The following RAB11FIP5 variants were observed in gnomAD, a reference collection of about 807,000 sequenced individuals.
The protein encoded by RAB11FIP5 is RAB11 family interacting protein 5.
In RAB11FIP5, 48 loss-of-function variants were observed where a neutral mutation model predicts 85.1. That is an observed-to-expected ratio of 0.56 (90% confidence interval 0.45 to 0.72). RAB11FIP5 has a LOEUF of 0.72. Among genes scored for constraint, RAB11FIP5 ranks in the 30% least tolerant of loss-of-function variants. RAB11FIP5 has a pLI of 0.00. For missense variants in RAB11FIP5, 1,491 were observed against 1,687.0 expected (o/e 0.88, Z 2.04); for synonymous variants, 729 against 727.3 (o/e 1.00, Z -0.04).
Position 73,112,632 on chromosome 2 carries a change from T to A in RAB11FIP5, c.146A>T (p.Gln49Leu). 6.2e-7 allele frequency: 1 copy of A among 1,601,782 alleles called. No homozygotes were observed. The highest frequency in any genetic ancestry group is 1.1e-5 in the South Asian group (1 of 89,010). ...GSTSDAYTVI[Q>L]VGREKYSTSV... ...CGTACTGTACTTCTCGCGGCCCACC[T>A]GGATCACCGTGTACGCGTCGCTGGT... is the stretch of plus-strand genomic sequence containing the variant. The change falls in exon 1 of 6, where the codon CAG becomes CTG. Residue 49 changes from glutamine to leucine, a missense_variant. By Grantham distance (113) the Gln-to-Leu change is moderately radical. Coordinates refer to ENST00000486777, the MANE Select transcript of RAB11FIP5 (RefSeq NM_001371272.1).
intron 1 of RAB11FIP5, among the ~76,000 whole-genome samples, chr2:73,106,448 T>C (rs1558524409): frequency 6.6e-6 from 1 of 152,224 alleles, no homozygotes; most frequent in Non-Finnish European, 1.5e-5. Flanking sequence ...CACTTGGCTA[T>C]AGGGCTTCCT....
Position 73,079,324 on chromosome 2 carries a change from A to G in RAB11FIP5, c.3581+327T>C, listed in dbSNP as rs529079833. 4.6e-5 allele frequency among the ~76,000 whole-genome samples: 7 copies of G among 152,182 alleles called. No homozygotes were observed. In the South Asian group the frequency reaches 6.2e-4, roughly 14 times the overall value. On this transcript the variant is annotated intron_variant, in intron 4 of 5. Transcript: ENST00000486777. The stretch of plus-strand genomic sequence containing the variant: ...GAGTGCACACACTCCAGAAGGGCCT[A>G]CAGCACTGCTCTCCTTCCCTGCCAG...
Position 73,081,525 on chromosome 2 carries a change from G to A in RAB11FIP5, c.1707C>T (p.Ala569=). Residue 569 remains alanine, a synonymous_variant, in exon 4 of 6, where the codon GCC becomes GCT. Coordinates refer to ENST00000486777, the MANE Select transcript of RAB11FIP5 (RefSeq NM_001371272.1). The surrounding 1 kb of genome is among the most constrained non-coding windows in gnomAD (Gnocchi z 4.2). ...PMLSTNLFAA[A]SPAAATAAAA... Reference sequence around the variant, plus strand: ...CGGCAGCAGTGGCAGCAGCGGGGGAGGCGGCTGCAAAAAGGTTAGTGCTTA... The same window carrying A: ...CGGCAGCAGTGGCAGCAGCGGGGGAAGCGGCTGCAAAAAGGTTAGTGCTTA... 4 of 1,225,756 alleles carry A rather than the reference G, an allele frequency of 3.3e-6. No individual in the cohort carries two copies. Among genetic ancestry groups the A allele is most frequent in the Non-Finnish European group, 4.1e-6 (4 of 981,630 alleles). 75.9% of individuals were successfully genotyped at this position (1,225,756 alleles called of 1,614,324 possible).
chr2:73,094,995 T>C (rs1163519203), intron 1 of RAB11FIP5, among the ~76,000 whole-genome samples: 1 of 151,884 alleles, frequency 6.6e-6, no homozygotes, highest in South Asian at 2.1e-4. Flanking sequence ...TCTGCCCCCA[T>C]ACAATTCCCC....
At chr2:73,110,737 A>G (rs1196447842) in intron 1 of RAB11FIP5, among the ~76,000 whole-genome samples, 1 of 152,100 alleles carries the variant, frequency 6.6e-6, no homozygotes, top group Non-Finnish European at 1.5e-5. Context: ...ACTGGAAAAA[A>G]CAATCAAAGA....
chr2:73,112,244 G>T, intron 1 of RAB11FIP5, 103 bp downstream of exon 1: 1 of 1,279,850 alleles, frequency 7.8e-7, no homozygotes, highest in Non-Finnish European at 1.0e-6. Flanking sequence ...TAAGCACGAG[G>T]CAAGGGCTCA....
At chr2:73,085,070 A>G (rs1192458937) in intron 3 of RAB11FIP5, among the ~76,000 whole-genome samples, 1 of 152,188 alleles carries the variant, frequency 6.6e-6, no homozygotes, top group East Asian at 1.9e-4. Context: ...TGACAAGAGC[A>G]TGGTTGTGAG....
At chr2:73,103,423 C>T (rs1684466959) in intron 1 of RAB11FIP5, among the ~76,000 whole-genome samples, 1 of 152,144 alleles carries the variant, frequency 6.6e-6, no homozygotes, top group Non-Finnish European at 1.5e-5. Context: ...TGTCAGCTCA[C>T]CCAGCACAAG....
In RAB11FIP5 at chr2:73,073,623, G is replaced by A. The variant is rs555230192; in HGVS notation, c.*1898C>T. The A allele has an allele frequency of 1.3e-5, 2 of 152,328 alleles. No homozygotes were observed. Among genetic ancestry groups the A allele is most frequent in the South Asian group, 4.1e-4 (2 of 4,820 alleles). The allele number at this position is 152,328 out of a possible 1,614,324, so 9.4% of individuals were successfully genotyped here. On this transcript the variant is annotated 3_prime_UTR_variant, in exon 6 of 6. Coordinates refer to ENST00000486777, the MANE Select transcript of RAB11FIP5 (RefSeq NM_001371272.1). Reference sequence around the variant, plus strand: ...CCTGGGCATTAGGGAGGCCCACAAAGGTCAGGGCCAGGGCTGGGAGTGAAT... The same window carrying A: ...CCTGGGCATTAGGGAGGCCCACAAAAGTCAGGGCCAGGGCTGGGAGTGAAT...
At chr2:73,095,674 C>G (rs112245644) in intron 1 of RAB11FIP5, among the ~76,000 whole-genome samples, 4,636 of 152,344 alleles carry the variant, frequency 0.03, 105 homozygotes, top group Non-Finnish European at 0.047. Flanking sequence ...GGCCACACAG[C>G]TAGTAAGTAA....
chr2:73,091,158 G>T (rs1329898962), intron 1 of RAB11FIP5, among the ~76,000 whole-genome samples: 3 of 152,304 alleles, frequency 2.0e-5, no homozygotes, highest in East Asian at 1.9e-4. Context: ...ATGAATGCTA[G>T]AACAGTCCTA....
chr2:73,097,425 A>G (rs1475893084), intron 1 of RAB11FIP5, among the ~76,000 whole-genome samples: 1 of 152,240 alleles, frequency 6.6e-6, no homozygotes, highest in Non-Finnish European at 1.5e-5. Context: ...TCAACATGAC[A>G]AAATGCTGCA....
intron 1 of RAB11FIP5, among the ~76,000 whole-genome samples, chr2:73,099,587 G>A (rs1360075609): frequency 6.6e-6 from 1 of 152,210 alleles, no homozygotes; most frequent in Non-Finnish European, 1.5e-5. Context: ...CAAGAAGCTG[G>A]CCGAAGGCCC....
chr2:73,088,053 G>A lies in RAB11FIP5; in HGVS notation c.1565C>T (p.Pro522Leu). 6.3e-7 allele frequency: 1 copy of A among 1,589,752 alleles called. No individual in the cohort carries two copies. Among genetic ancestry groups the A allele is most frequent in the Non-Finnish European group, 8.6e-7 (1 of 1,166,862 alleles). Residue 522 changes from proline (P) to leucine (L), a missense_variant, in exon 3 of 6, where the codon CCC (proline) becomes CTC (leucine). Around this residue, in one of 3 missense-constraint regions of RAB11FIP5, gnomAD observed 1,211 missense variants for 1,338.0 expected, o/e 0.91. Coordinates refer to ENST00000486777, the MANE Select transcript of RAB11FIP5 (RefSeq NM_001371272.1). ...LREAKDPTQK[P>L]SLDVSPQVES... is the part of the protein sequence containing the mutation. ...GTTGGTCTTGCCAACGACTTACCTG[G>A]GTTTCTGAGTCGGGTCCTTGGCTTC... is the stretch of plus-strand genomic sequence containing the variant.
chr2:73,100,425 G>GTTTTTT (rs573555727), intron 1 of RAB11FIP5, among the ~76,000 whole-genome samples: 2 of 131,114 alleles, frequency 1.5e-5, no homozygotes, highest in African/African-American at 2.9e-5. Context: ...TTTGGTTGTG[G>GTTTTTT]TTTTTTTTTT....
At chr2:73,109,270 C>T (rs1425331358) in intron 1 of RAB11FIP5, among the ~76,000 whole-genome samples, 3 of 152,118 alleles carry the variant, frequency 2.0e-5, no homozygotes, top group Admixed American at 2.0e-4. Flanking sequence ...AAGACTGCCC[C>T]ACTCACACAA....
intron 4 of RAB11FIP5, among the ~76,000 whole-genome samples, chr2:73,076,593 T>G (rs1317730019): frequency 1.3e-5 from 2 of 152,150 alleles, no homozygotes; most frequent in East Asian, 3.9e-4. Context: ...TTCCCAGTTT[T>G]CCCAGGACTG....
At position 73,080,328 on chromosome 2, in the gene RAB11FIP5, G is replaced by C. The variant is rs1295909499; in HGVS notation, c.2904C>G (p.Thr968=). 1.6e-6 allele frequency: 2 copies of C among 1,232,700 alleles called. No individual in the cohort carries two copies. Among genetic ancestry groups the C allele is most frequent in the Admixed American group, 8.4e-5 (2 of 23,730 alleles). The allele number at this position is 1,232,700 out of a possible 1,614,324, so 76.4% of individuals were successfully genotyped here. A position where few individuals can be genotyped will look rare whatever the true frequency, so the allele number is the denominator to read the frequency against. The change falls in exon 4 of 6, where the codon ACC becomes ACG. Residue 968 remains threonine (T), a synonymous_variant. Transcript: ENST00000486777. Reference sequence around the variant, plus strand: ...CTTCCAGGCCAGGCTGGCCCAGCAGGGTTGCAGAGGAGCAGCTGTCAGACT... The same window carrying C: ...CTTCCAGGCCAGGCTGGCCCAGCAGCGTTGCAGAGGAGCAGCTGTCAGACT... ...SEESDSCSSA[T]LLGQPGLEEL...
At chr2:73,107,164 T>C (rs1311471023) in intron 1 of RAB11FIP5, among the ~76,000 whole-genome samples, 1 of 152,244 alleles carries the variant, frequency 6.6e-6, no homozygotes, top group African/African-American at 2.4e-5. Flanking sequence ...TCATTTTTAT[T>C]ACTTGGCTGT....
Sources: allele counts gnomAD v4.1 joint callset (sites outside exome capture counted in the v4.1 genomes callset), GRCh38; gene constraint gnomAD v4.1.1; regional missense constraint gnomAD v4.1.1; non-coding constraint Gnocchi (gnomAD v3.1); transcripts MANE v1.5; gene names NCBI Gene and HGNC (gene_info 2026-07-23, HGNC 2026-07-21).